Variants in VRK2 observed in about 807,000 individuals in gnomAD.
VRK2 encodes serine/threonine-protein kinase VRK2.
Under a neutral mutation model 57.6 loss-of-function variants are expected in VRK2, and 60 were observed. The ratio of observed to expected loss-of-function variants is 1.04; its 90% CI spans 0.85 to 1.29. The LOEUF (loss-of-function observed/expected upper bound fraction) is 1.29. VRK2 is among the 50% of genes most tolerant of loss of function. VRK2 has a pLI of 0.00. For synonymous variants in VRK2, 231 were observed against 199.2 expected, an observed-to-expected ratio of 1.16 and a Z score of -1.35; for missense variants, 705 against 588.1, an observed-to-expected ratio of 1.20 and a Z score of -2.06.
chr2:58,095,104 G>C (rs1672944364), intron 7 of VRK2, among the ~76,000 whole-genome samples: 1 of 152,004 alleles, frequency 6.6e-6, no homozygotes, highest in Non-Finnish European at 1.5e-5. Context: ...GACCATCCTG[G>C]CTAACATGGT....
chr2:58,017,688 T>C (rs529914354), intron 1 of VRK2, among the ~76,000 whole-genome samples: 2 of 152,338 alleles, frequency 1.3e-5, no homozygotes, highest in South Asian at 2.1e-4. Context: ...TTATGGGAGA[T>C]CTTTGCTTTC....
chr2:58,128,027 A>G (rs945691778), intron 8 of VRK2, among the ~76,000 whole-genome samples: 7 of 152,198 alleles, frequency 4.6e-5, no homozygotes, highest in African/African-American at 1.4e-4. Context: ...TTCTTATACC[A>G]GTTTAGAAGG....
intron 2 of VRK2, among the ~76,000 whole-genome samples, chr2:58,026,543 G>A (rs1445409827): frequency 2.0e-5 from 3 of 152,064 alleles, no homozygotes; most frequent in Admixed American, 1.3e-4. Context: ...GTATTGGCAC[G>A]TGTAGCATTT....
chr2:58,135,801 T>G (rs1167782244), intron 10 of VRK2, among the ~76,000 whole-genome samples: 1 of 152,218 alleles, frequency 6.6e-6, no homozygotes, highest in African/African-American at 2.4e-5. Flanking sequence ...AAATAGCACG[T>G]CAACTAGTAA....
intron 3 of VRK2, among the ~76,000 whole-genome samples, chr2:58,038,218 T>A (rs1357527486): frequency 2.6e-5 from 4 of 152,122 alleles, no homozygotes; most frequent in Non-Finnish European, 5.9e-5. Context: ...GTTCTTGTGA[T>A]AGTGAGTGAG....
rs180867855 is a variant in VRK2 at position 58,022,642 on chromosome 2, G to A, written c.-438-3023G>A. ...TGCAACCCCAGCACTTTGGGAGGCC[G>A]AGGTGGGCAGATCACTTGAGCAGAG... On this transcript the variant is annotated intron_variant, in intron 1 of 15. Transcript: ENST00000417641. Among the ~76,000 whole-genome samples, 501 of 152,276 alleles carry A rather than the reference G, an allele frequency of 3.3e-3. 4 individuals are homozygous for A. Among genetic ancestry groups the A allele is most frequent in the African/African-American group, 0.012 (489 of 41,556 alleles).
At chr2:58,032,993 T>C (rs1674162736) in intron 2 of VRK2, among the ~76,000 whole-genome samples, 1 of 152,126 alleles carries the variant, frequency 6.6e-6, no homozygotes. Flanking sequence ...ACACTGAACC[T>C]GCTTCACAAA....
intron 2 of VRK2, among the ~76,000 whole-genome samples, chr2:58,057,326 GGA>G (rs929461430): frequency 1.3e-5 from 2 of 152,068 alleles, no homozygotes; most frequent in African/African-American, 4.8e-5. Flanking sequence ...TATCTTTTGG[GGA>G]GTTTGAAGGG....
At chr2:58,025,821 C>G (rs1164322984) in intron 2 of VRK2, 2 of 152,168 alleles carry the variant, frequency 1.3e-5, no homozygotes, top group Non-Finnish European at 2.9e-5. Flanking sequence ...CACTCAAAAC[C>G]TTTTGCTTGA....
At chr2:58,125,848 G>C (rs1678264329) in intron 8 of VRK2, among the ~76,000 whole-genome samples, 1 of 151,930 alleles carries the variant, frequency 6.6e-6, no homozygotes, top group East Asian at 1.9e-4. Context: ...ATATAAAATG[G>C]AATGTATGAC....
chr2:58,019,323 C>A (rs12471043), intron 1 of VRK2, among the ~76,000 whole-genome samples: 1 of 151,892 alleles, frequency 6.6e-6, no homozygotes, highest in African/African-American at 2.4e-5. Flanking sequence ...TAAGTATATC[C>A]GCTTTTTTTT....
At chr2:58,117,581 G>T (rs1017573144) in intron 7 of VRK2, among the ~76,000 whole-genome samples, 10 of 152,088 alleles carry the variant, frequency 6.6e-5, no homozygotes, top group African/African-American at 2.4e-4. Flanking sequence ...GTTGCACTGG[G>T]CACAGAGACT....
rs573423932 is a variant in VRK2, at chr2:57,931,389, T to C, written c.-439+23550T>C. Among the ~76,000 whole-genome samples, 4 of 152,328 alleles carry C rather than the reference T, an allele frequency of 2.6e-5. No individual in the cohort carries two copies. In the South Asian group the frequency reaches 8.3e-4, roughly 32 times the overall value. ...ATGATTAGTGATGTTGAGCCCCTTT[T>C]AATACACCTATTGGCTATTTGTATT... On this transcript the variant is annotated intron_variant, in intron 1 of 15. Transcript: ENST00000417641.
chr2:58,081,321 C>A (rs528431010), intron 2 of VRK2, among the ~76,000 whole-genome samples: 1 of 151,960 alleles, frequency 6.6e-6, no homozygotes, highest in African/African-American at 2.4e-5. Context: ...TCAACAGCAG[C>A]TGTAAGATGT....
chr2:57,976,032 C>A (rs1003228074), intron 1 of VRK2, among the ~76,000 whole-genome samples: 2 of 152,040 alleles, frequency 1.3e-5, no homozygotes, highest in African/African-American at 4.8e-5. Context: ...TTTTCTGTTT[C>A]TGTGATAAGT....
At chr2:57,916,017 T>A (rs1670136124) in intron 1 of VRK2, among the ~76,000 whole-genome samples, 2 of 152,074 alleles carry the variant, frequency 1.3e-5, no homozygotes, top group Non-Finnish European at 2.9e-5. Flanking sequence ...TTGTCTTCCA[T>A]GAAATTGGTC....
rs558824790 is a variant in VRK2 at position 57,943,465 on chromosome 2, A to G, written c.-439+35626A>G. 2.0e-5 allele frequency among the ~76,000 whole-genome samples: 3 copies of G among 152,328 alleles called. No individual in the cohort carries two copies. In the East Asian group the frequency reaches 5.8e-4, roughly 29 times the overall value. On this transcript the variant is annotated intron_variant, in intron 1 of 15. Coordinates refer to the VRK2 transcript ENST00000417641. ...TCTTGCTTCTCTCTTGAGGCCCTAG[A>G]AAGGGGACCTAGAAGTTGTAACATG...
chr2:57,965,783 T>C (rs1387733870), intron 1 of VRK2, among the ~76,000 whole-genome samples: 2 of 152,152 alleles, frequency 1.3e-5, no homozygotes, highest in Non-Finnish European at 1.5e-5. Context: ...GACCCCGAAC[T>C]GAGGTGATCC....
intron 12 of VRK2, among the ~76,000 whole-genome samples, chr2:58,158,177 T>TTTGA (rs1275724413): frequency 6.8e-6 from 1 of 147,806 alleles, no homozygotes; most frequent in Non-Finnish European, 1.5e-5. Flanking sequence ...TGCTCTATGA[T>TTTGA]TTGATAGCAT....
Sources: allele counts gnomAD v4.1 joint callset (sites outside exome capture counted in the v4.1 genomes callset), GRCh38; gene constraint gnomAD v4.1.1; transcripts MANE v1.5; gene names NCBI Gene and HGNC (gene_info 2026-07-23, HGNC 2026-07-21).